Variants in ZNF704 observed in about 807,000 individuals in gnomAD.
ZNF704 encodes glucocorticoid induced gene 1.
Under a neutral mutation model 44.7 loss-of-function variants are expected in ZNF704, and 10 were observed. That is an observed-to-expected ratio of 0.22 (90% CI 0.14 to 0.38). ZNF704 has a LOEUF of 0.38. ZNF704 is among the 10% of genes least tolerant of loss of function. The pLI is 1.00. For synonymous variants in ZNF704, 211 were observed against 207.6 expected, an observed-to-expected ratio of 1.02 and a Z score of -0.14; for missense variants, 390 against 545.5, an observed-to-expected ratio of 0.71 and a Z score of 2.84.
At chr8:80,832,534 T>C (rs1321724258) in intron 1 of ZNF704, among the ~76,000 whole-genome samples, 1 of 152,186 alleles carries the variant, frequency 6.6e-6, no homozygotes, top group Non-Finnish European at 1.5e-5. Context: ...ACTCAACTCT[T>C]GGAAACTGTC....
At chr8:80,780,068 T>C (rs544330592) in intron 2 of ZNF704, among the ~76,000 whole-genome samples, 4 of 152,020 alleles carry the variant, frequency 2.6e-5, no homozygotes, top group Non-Finnish European at 4.4e-5. Flanking sequence ...GTAGGGGTCA[T>C]GGTGATAAGG....
chr8:80,755,232 C>T (rs1356985252), intron 2 of ZNF704, among the ~76,000 whole-genome samples: 2 of 152,080 alleles, frequency 1.3e-5, no homozygotes, highest in Non-Finnish European at 2.9e-5. Flanking sequence ...TTTGGGAGGC[C>T]AAGACGGGCA....
At chr8:80,856,638 T>TTTTA (rs1808966576) in intron 1 of ZNF704, among the ~76,000 whole-genome samples, 1 of 152,158 alleles carries the variant, frequency 6.6e-6, no homozygotes, top group South Asian at 2.1e-4. Context: ...TTGAAAAAAT[T>TTTTA]TTTAACTTCT....
chr8:80,841,261 C>A (rs1808673947), intron 1 of ZNF704, among the ~76,000 whole-genome samples: 1 of 152,196 alleles, frequency 6.6e-6, no homozygotes, highest in Non-Finnish European at 1.5e-5. Context: ...TGGAAGAAAC[C>A]AAGTCACACA....
chr8:80,734,637 CAGTTTG>C (rs1452738179), intron 2 of ZNF704, among the ~76,000 whole-genome samples: 2 of 152,142 alleles, frequency 1.3e-5, no homozygotes, highest in Non-Finnish European at 2.9e-5. Context: ...TGTTGAAATA[CAGTTTG>C]AGTTTATCAA....
At chr8:80,691,328 C>A (rs1818631284) in intron 3 of ZNF704, among the ~76,000 whole-genome samples, 1 of 152,254 alleles carries the variant, frequency 6.6e-6, no homozygotes, top group African/African-American at 2.4e-5. Context: ...CAGTGAACTG[C>A]AATCTGCAAC....
At chr8:80,841,732 A>G (rs573741073) in intron 1 of ZNF704, among the ~76,000 whole-genome samples, 1 of 152,206 alleles carries the variant, frequency 6.6e-6, no homozygotes, top group African/African-American at 2.4e-5. Flanking sequence ...AGAGATACAT[A>G]TCAAATGACT....
At chr8:80,720,580 G>A (rs1214622835) in intron 2 of ZNF704, among the ~76,000 whole-genome samples, 1 of 152,212 alleles carries the variant, frequency 6.6e-6, no homozygotes, top group Non-Finnish European at 1.5e-5. Flanking sequence ...TTGTTCTTCT[G>A]CTGCCCATGG....
At chr8:80,871,066 A>G (rs1260627029) in intron 1 of ZNF704, among the ~76,000 whole-genome samples, 1 of 151,988 alleles carries the variant, frequency 6.6e-6, no homozygotes, top group Non-Finnish European at 1.5e-5. Flanking sequence ...CTCACAATAG[A>G]TTCTGAATTT....
At chr8:80,644,890 G>A in intron 7 of ZNF704, 2 of 816,810 alleles carry the variant, frequency 2.4e-6, no homozygotes, top group Non-Finnish European at 4.3e-6. Flanking sequence ...AGGAAGTAAG[G>A]ACAGCTGTGT....
At chr8:80,658,447 T>C (rs1040993633) in intron 7 of ZNF704, among the ~76,000 whole-genome samples, 4 of 151,944 alleles carry the variant, frequency 2.6e-5, no homozygotes, top group African/African-American at 9.7e-5. Flanking sequence ...TGGATCAGTG[T>C]TCTTGCCAGA....
chr8:80,641,473 G>T lies in ZNF704; in HGVS notation c.1132C>A (p.Pro378Thr). Residue 378 changes from proline to threonine, a missense_variant, in exon 9 of 9, where the codon CCC becomes ACC. This residue lies in a region of ZNF704 where 305 missense variants were observed against 435.7 expected (regional missense o/e 0.70). Coordinates refer to ENST00000327835, the MANE Select transcript of ZNF704 (RefSeq NM_001033723.3). ...PPRGTVSLRK[P>T]RGEGKKCRKV... is the part of the protein sequence containing the mutation. ...CGACACTTTTTGCCCTCTCCCCTGG[G>T]CTTCCTGTAAGACAGACGAGGAAGG... The T allele has an allele frequency of 6.2e-7, 1 of 1,611,114 alleles. No individual in the cohort carries two copies. The highest frequency in any genetic ancestry group is 1.3e-5 in the African/African-American group (1 of 74,854).
chr8:80,718,076 A>G (rs1819099581), intron 2 of ZNF704, among the ~76,000 whole-genome samples: 1 of 152,050 alleles, frequency 6.6e-6, no homozygotes, highest in African/African-American at 2.4e-5. Flanking sequence ...CCACCTTCCA[A>G]TGATCCCGTG....
At chr8:80,881,024 G>A in the ZNF704 span, among the ~76,000 whole-genome samples, 145 of 152,326 alleles carry the variant, frequency 9.5e-4, no homozygotes, top group Admixed American at 8.5e-3. Flanking sequence ...TGCAGTATCT[G>A]TCATGCTTCT....
At chr8:80,665,989 G>A (rs1359028623) in intron 5 of ZNF704, among the ~76,000 whole-genome samples, 1 of 151,522 alleles carries the variant, frequency 6.6e-6, no homozygotes, top group South Asian at 2.1e-4. Context: ...TATACTTTAA[G>A]TTTTAGGGTA....
chr8:80,652,439 A>G (rs1817938742), intron 7 of ZNF704, among the ~76,000 whole-genome samples: 1 of 152,206 alleles, frequency 6.6e-6, no homozygotes, highest in African/African-American at 2.4e-5. Context: ...ATAAAGAAGA[A>G]AAGAGAGAAG....
chr8:80,795,545 TA>T (rs201144557), intron 2 of ZNF704, among the ~76,000 whole-genome samples: 2 of 150,480 alleles, frequency 1.3e-5, no homozygotes, highest in Non-Finnish European at 1.5e-5. Flanking sequence ...TATGTTAAGT[TA>T]AAAAAAAAGA....
intron 2 of ZNF704, among the ~76,000 whole-genome samples, chr8:80,818,330 T>C (rs77849804): frequency 0.035 from 5,322 of 152,040 alleles, 328 homozygotes; most frequent in African/African-American, 0.12. Context: ...ATATCATATA[T>C]ATATTTTTAA....
intron 2 of ZNF704, among the ~76,000 whole-genome samples, chr8:80,816,500 T>C (rs1027441071): frequency 1.3e-5 from 2 of 152,216 alleles, no homozygotes; most frequent in African/African-American, 4.8e-5. Context: ...ACATGCTCTC[T>C]TTTCCTGTCC....
Sources: gnomAD v4.1 joint callset for allele counts (sites outside exome capture counted in the v4.1 genomes callset) on GRCh38, gnomAD v4.1.1 for gene constraint, gnomAD v4.1.1 regional missense constraint, MANE v1.5 for transcripts, NCBI Gene and HGNC (gene_info 2026-07-23, HGNC 2026-07-21) for gene names.